The following SIAH2 variants were observed in gnomAD, a reference collection of about 807,000 sequenced individuals.
The protein encoded by SIAH2 is siah E3 ubiquitin protein ligase 2.
In SIAH2, 4 loss-of-function variants were observed where a neutral mutation model predicts 20.4. That is an observed-to-expected ratio of 0.20 (90% confidence interval 0.10 to 0.45). The LOEUF (loss-of-function observed/expected upper bound fraction) is 0.45. Ranked by LOEUF, SIAH2 falls within the 20% of genes least tolerant of loss-of-function variation. The probability of loss-of-function intolerance (pLI) is 0.99; values close to 1 mark genes in which losing one functional copy is unlikely to be tolerated. For missense variants in SIAH2, 259 were observed against 440.3 expected, an observed-to-expected ratio of 0.59 and a Z score of 3.69; for synonymous variants, 171 against 192.5, an observed-to-expected ratio of 0.89 and a Z score of 0.93.
At chr3:150,748,799 T>A (rs1313297678) in intron 1 of SIAH2, among the ~76,000 whole-genome samples, 1 of 152,196 alleles carries the variant, frequency 6.6e-6, no homozygotes, top group Non-Finnish European at 1.5e-5. Context: ...TAAGTTGTAA[T>A]GATCACAGAA....
In SIAH2 at chr3:150,762,855, T is replaced by A. The variant is rs1714657938; in HGVS notation, c.-6A>T. ...GTGGAGGACGGGCGGCTCATCGCGC[T>A]CCGAACCAACCATGGAACTGCGGGC... On this transcript the variant is annotated 5_prime_UTR_variant, in exon 1 of 2. Coordinates refer to ENST00000312960, the MANE Select transcript of SIAH2 (RefSeq NM_005067.7). This position sits in a 1 kb window ranked among gnomAD's most constrained non-coding sequence, Gnocchi z 6.6. The A allele has an allele frequency of 8.3e-7, 1 of 1,203,082 alleles. No individual in the cohort carries two copies. Among genetic ancestry groups the A allele is most frequent in the Non-Finnish European group, 1.0e-6 (1 of 955,988 alleles). 74.5% of individuals were successfully genotyped at this position (1,203,082 alleles called of 1,614,324 possible).
At position 150,741,987 on chromosome 3, in the gene SIAH2, G is replaced by T; in HGVS notation, c.*154C>A. 1 of 708,994 alleles carries T rather than the reference G, an allele frequency of 1.4e-6. No individual in the cohort carries two copies. Among genetic ancestry groups the T allele is most frequent in the Non-Finnish European group, 2.3e-6 (1 of 426,484 alleles). 43.9% of individuals were successfully genotyped at this position (708,994 alleles called of 1,614,324 possible). A position where few individuals can be genotyped will look rare whatever the true frequency, so the allele number is the denominator to read the frequency against. ...TCATCCCAGGTTAATGAACTTTGTT[G>T]GGTCGAAGCCAGATGGGACACTGCT... is the stretch of plus-strand genomic sequence containing the variant. On this transcript the variant is annotated 3_prime_UTR_variant, in exon 2 of 2. Coordinates refer to ENST00000312960, the MANE Select transcript of SIAH2 (RefSeq NM_005067.7).
At chr3:150,750,111 G>A (rs192796354) in intron 1 of SIAH2, among the ~76,000 whole-genome samples, 3 of 152,304 alleles carry the variant, frequency 2.0e-5, no homozygotes, top group Non-Finnish European at 1.5e-5. Context: ...GGAGTTGGCA[G>A]CTAAGCCTAG....
intron 1 of SIAH2, among the ~76,000 whole-genome samples, chr3:150,744,714 A>T (rs1245476450): frequency 6.6e-6 from 1 of 152,124 alleles, no homozygotes; most frequent in East Asian, 1.9e-4. Flanking sequence ...ATGTTTCAAG[A>T]CGAACTTTTC....
chr3:150,744,232 CA>C (rs1714162947), intron 1 of SIAH2, among the ~76,000 whole-genome samples: 1 of 152,178 alleles, frequency 6.6e-6, no homozygotes, highest in African/African-American at 2.4e-5. Flanking sequence ...CCTCCACTCT[CA>C]GGGGGATTAG....
chr3:150,755,465 G>A (rs1305110263), intron 1 of SIAH2, among the ~76,000 whole-genome samples: 1 of 150,390 alleles, frequency 6.6e-6, no homozygotes, highest in Non-Finnish European at 1.5e-5. Flanking sequence ...TGAGTAGCTG[G>A]GAGTATAGAC....
At chr3:150,745,189 A>G (rs1714181806) in intron 1 of SIAH2, among the ~76,000 whole-genome samples, 1 of 151,888 alleles carries the variant, frequency 6.6e-6, no homozygotes, top group Non-Finnish European at 1.5e-5. Context: ...TCATGTCTTC[A>G]TAACAACTGG....
At chr3:150,743,491 C>T (rs1343057803) in intron 1 of SIAH2, among the ~76,000 whole-genome samples, 1 of 152,216 alleles carries the variant, frequency 6.6e-6, no homozygotes, top group African/African-American at 2.4e-5. Context: ...TGACCCCCAA[C>T]ACTTCCTCAG....
chr3:150,755,068 C>T (rs1245841642), intron 1 of SIAH2, among the ~76,000 whole-genome samples: 1 of 152,018 alleles, frequency 6.6e-6, no homozygotes, highest in East Asian at 1.9e-4. Flanking sequence ...GTGTCAGGCA[C>T]TTTGCATGAA....
chr3:150,745,716 C>T (rs1348793496), intron 1 of SIAH2, among the ~76,000 whole-genome samples: 1 of 151,980 alleles, frequency 6.6e-6, no homozygotes, highest in Non-Finnish European at 1.5e-5. Context: ...AGGATGGTCT[C>T]GATCTCCTGA....
At chr3:150,760,164 T>C (rs1386082219) in intron 1 of SIAH2, among the ~76,000 whole-genome samples, 2 of 152,160 alleles carry the variant, frequency 1.3e-5, no homozygotes, top group Non-Finnish European at 2.9e-5. Flanking sequence ...ACATTCAAGT[T>C]TGGTTTATCC....
intron 1 of SIAH2, among the ~76,000 whole-genome samples, chr3:150,755,543 T>C (rs1232034609): frequency 6.6e-6 from 1 of 151,830 alleles, no homozygotes; most frequent in Non-Finnish European, 1.5e-5. Flanking sequence ...GAGACGGAGT[T>C]TCACTCTTGT....
rs996982517 is a variant in SIAH2 at position 150,749,315 on chromosome 3, A to G, written c.418-6617T>C. Among the ~76,000 whole-genome samples, 3 of 152,072 alleles carry G rather than the reference A, an allele frequency of 2.0e-5. No homozygotes were observed. In the South Asian group the frequency reaches 6.2e-4, roughly 32 times the overall value. On this transcript the variant is annotated intron_variant, in intron 1 of 1. Transcript: ENST00000312960. ...GGAGTTCAAGACTAGCCTGGGCAACATAGGGAGACCCCTGTCTCTATAAAA... is the reference window on the plus strand; with the variant it reads ...GGAGTTCAAGACTAGCCTGGGCAACGTAGGGAGACCCCTGTCTCTATAAAA...
intron 1 of SIAH2, among the ~76,000 whole-genome samples, chr3:150,747,541 T>C (rs1049461570): frequency 6.6e-6 from 1 of 152,196 alleles, no homozygotes; most frequent in Non-Finnish European, 1.5e-5. Flanking sequence ...ATAAATGAGA[T>C]TTCTCCTTAG....
At position 150,741,907 on chromosome 3, in the gene SIAH2, A is replaced by C. The variant is rs1714095507; in HGVS notation, c.*234T>G. 3.8e-6 allele frequency: 2 copies of C among 520,998 alleles called. No individual in the cohort carries two copies. Among genetic ancestry groups the C allele is most frequent in the African/African-American group, 3.9e-5 (2 of 51,864 alleles). The allele number at this position is 520,998 out of a possible 1,614,324, so 32.3% of individuals were successfully genotyped here. A position where few individuals can be genotyped will look rare whatever the true frequency, so the allele number is the denominator to read the frequency against. Reference sequence around the variant, plus strand: ...GTTTAGGGAGTAAATACAATTCAATAAGAGTTGTTTTAGATCACAGAACAG... The same window carrying C: ...GTTTAGGGAGTAAATACAATTCAATCAGAGTTGTTTTAGATCACAGAACAG... On this transcript the variant is annotated 3_prime_UTR_variant, in exon 2 of 2. Transcript: ENST00000312960.
At chr3:150,755,784 G>A (rs1224977221) in intron 1 of SIAH2, among the ~76,000 whole-genome samples, 1 of 152,014 alleles carries the variant, frequency 6.6e-6, no homozygotes, top group African/African-American at 2.4e-5. Flanking sequence ...CCCAAGTGTT[G>A]GGATTACAGG....
chr3:150,757,600 G>A (rs1238271825), intron 1 of SIAH2, among the ~76,000 whole-genome samples: 1 of 152,096 alleles, frequency 6.6e-6, no homozygotes, highest in African/African-American at 2.4e-5. Flanking sequence ...TTGGCCTGGA[G>A]ACGTGGTGGT....
intron 1 of SIAH2, among the ~76,000 whole-genome samples, chr3:150,745,382 C>T (rs1031094827): frequency 2.0e-5 from 3 of 152,046 alleles, no homozygotes; most frequent in African/African-American, 7.2e-5. Flanking sequence ...TCCAGGGATC[C>T]GAGGGAGGAC....
intron 1 of SIAH2, among the ~76,000 whole-genome samples, chr3:150,761,718 T>C (rs1430717533): frequency 6.6e-6 from 1 of 152,168 alleles, no homozygotes; most frequent in Non-Finnish European, 1.5e-5. Context: ...CTTTTTACAT[T>C]AAATAAAAAA....
Sources: allele counts gnomAD v4.1 joint callset (sites outside exome capture counted in the v4.1 genomes callset), GRCh38; gene constraint gnomAD v4.1.1; non-coding constraint Gnocchi (gnomAD v3.1); transcripts MANE v1.5; gene names NCBI Gene and HGNC (gene_info 2026-07-23, HGNC 2026-07-21).